Variants in PDE10A observed in about 807,000 individuals in gnomAD.
PDE10A encodes the protein cAMP and cAMP-inhibited cGMP 3',5'-cyclic phosphodiesterase 10A.
A neutral mutation model predicts 97.7 loss-of-function variants in PDE10A; 39 were observed. The ratio of observed to expected loss-of-function variants is 0.40; its 90% confidence interval spans 0.31 to 0.52. PDE10A has a LOEUF of 0.52. PDE10A is among the 20% of genes least tolerant of loss of function. The probability of loss-of-function intolerance (pLI) is 0.56; values close to 1 mark genes in which losing one functional copy is unlikely to be tolerated. For missense variants in PDE10A, 731 were observed against 1,047.8 expected, an observed-to-expected ratio of 0.70 and a Z score of 4.17; for synonymous variants, 371 against 376.8, an observed-to-expected ratio of 0.98 and a Z score of 0.18.
chr6:165,589,936 AATC>A (rs1318710011), intron 1 of PDE10A, among the ~76,000 whole-genome samples: 2 of 152,212 alleles, frequency 1.3e-5, no homozygotes, highest in Non-Finnish European at 2.9e-5. Context: ...AGAAAATGTA[AATC>A]ATTAAGAAAA....
chr6:165,902,708 C>CCTCGCATCCTTCCCATTCCAGG (rs1782148203), intron 1 of PDE10A, among the ~76,000 whole-genome samples: 1 of 152,176 alleles, frequency 6.6e-6, no homozygotes, highest in Non-Finnish European at 1.5e-5. Context: ...GGCGCACGGG[C>CCTCGCATCCTTCCCATTCCAGG]TGTTCTTGCC....
chr6:165,791,752 C>T (rs796991934), intron 1 of PDE10A, among the ~76,000 whole-genome samples: 9 of 152,308 alleles, frequency 5.9e-5, no homozygotes, highest in African/African-American at 2.2e-4. Flanking sequence ...GTCAGCTTGA[C>T]GTTCCTTTCC....
chr6:165,566,051 C>T (rs1784761995), intron 1 of PDE10A, among the ~76,000 whole-genome samples: 1 of 152,032 alleles, frequency 6.6e-6, no homozygotes, highest in South Asian at 2.1e-4. Context: ...AACACAAAGA[C>T]AAGATCCATG....
chr6:165,790,409 G>A (rs1184398345), intron 1 of PDE10A, among the ~76,000 whole-genome samples: 3 of 152,120 alleles, frequency 2.0e-5, no homozygotes, highest in Non-Finnish European at 4.4e-5. Context: ...ACTTCTCTGG[G>A]GGAGGAAGTC....
Position 165,758,523 on chromosome 6 carries a change from A to AC in PDE10A, c.-614-214956_-614-214955insG, listed in dbSNP as rs1320554947. ...AGAAGAAAGAAGAAAGAAGAAGAAG[A>AC]AGAAGAAGAGGAAGAGGAAGAGGAA... is the stretch of plus-strand genomic sequence containing the variant. On this transcript the variant is annotated intron_variant, in intron 1 of 19. Coordinates refer to the PDE10A transcript ENST00000366882. 7.6e-5 allele frequency among the ~76,000 whole-genome samples: 11 copies of AC among 143,836 alleles called. No homozygotes were observed. In the East Asian group the frequency reaches 2.4e-3, roughly 31 times the overall value. 94.4% of individuals were successfully genotyped at this position (143,836 alleles called of 152,430 possible).
intron 18 of PDE10A, among the ~76,000 whole-genome samples, chr6:165,368,651 T>C (rs536200609): frequency 6.0e-4 from 92 of 152,218 alleles, no homozygotes; most frequent in South Asian, 1.7e-3. Context: ...TAAATGCAAA[T>C]AGACTAAACA....
chr6:165,756,669 T>A (rs1793124195), intron 1 of PDE10A, among the ~76,000 whole-genome samples: 1 of 152,212 alleles, frequency 6.6e-6, no homozygotes, highest in Non-Finnish European at 1.5e-5. Flanking sequence ...GCAGACAGTA[T>A]CACACTGAAT....
chr6:165,744,989 G>C (rs75327067), intron 1 of PDE10A, among the ~76,000 whole-genome samples: 1 of 152,140 alleles, frequency 6.6e-6, no homozygotes, highest in African/African-American at 2.4e-5. Flanking sequence ...TTCAGGATGT[G>C]TATTTCCTTG....
At chr6:165,694,477 C>T (rs905827745) in intron 1 of PDE10A, among the ~76,000 whole-genome samples, 3 of 152,186 alleles carry the variant, frequency 2.0e-5, no homozygotes, top group South Asian at 2.1e-4. Context: ...GCAGGGCTAG[C>T]GTTTGCATTC....
intron 3 of PDE10A, 38 bp from the exon 4 acceptor site, chr6:165,450,400 AAAT>A: frequency 7.6e-7 from 1 of 1,308,862 alleles, no homozygotes. Context: ...AACAGAGTTT[AAAT>A]AAAATATAAC....
intron 1 of PDE10A, among the ~76,000 whole-genome samples, chr6:165,614,512 G>C (rs1438604587): frequency 6.6e-6 from 1 of 152,054 alleles, no homozygotes; most frequent in Admixed American, 6.6e-5. Flanking sequence ...CTACCCTCCT[G>C]CAATGCTATC....
intron 1 of PDE10A, among the ~76,000 whole-genome samples, chr6:165,677,204 G>T (rs576150577): frequency 6.6e-6 from 1 of 152,304 alleles, no homozygotes; most frequent in South Asian, 2.1e-4. Context: ...GGCCTCATCC[G>T]ATCAGTGGAC....
At chr6:165,535,134 T>C (rs373565534) in intron 2 of PDE10A, among the ~76,000 whole-genome samples, 66 of 152,066 alleles carry the variant, frequency 4.3e-4, no homozygotes, top group African/African-American at 1.4e-3. Context: ...TCTGTAGCAT[T>C]TCTATATGTC....
rs1781436059 is a variant in PDE10A at position 165,510,279 on chromosome 6, A to G, written c.995-27936T>C. Among the ~76,000 whole-genome samples the G allele has an allele frequency of 2.6e-5, 4 of 151,846 alleles. No homozygotes were observed. The South Asian group carries it at 8.3e-4, about 32-fold the overall frequency. On this transcript the variant is annotated intron_variant, in intron 2 of 21. Transcript: ENST00000539869. ...AGGCCTAGTTTGCTGAATTTTATTA[A>G]ATGAGATGATCATATGGTTTTCGTC...
chr6:165,459,534 C>T (rs661606), intron 3 of PDE10A, among the ~76,000 whole-genome samples: 25,024 of 98,790 alleles, frequency 0.25, 2,279 homozygotes, highest in Middle Eastern at 0.37. Flanking sequence ...GACAGACAGA[C>T]AGACAGACAG....
chr6:165,700,597 T>C (rs1791544960), intron 1 of PDE10A, among the ~76,000 whole-genome samples: 1 of 151,890 alleles, frequency 6.6e-6, no homozygotes, highest in Non-Finnish European at 1.5e-5. Context: ...AATAAGAGAG[T>C]TTGGGGGAAA....
At chr6:165,339,141 T>C in intron 20 of PDE10A, 137 bp downstream of exon 20, 2 of 708,068 alleles carry the variant, frequency 2.8e-6, no homozygotes, top group Middle Eastern at 5.7e-4. Flanking sequence ...AGTTTCTATA[T>C]TAATCACCAG....
intron 1 of PDE10A, among the ~76,000 whole-genome samples, chr6:165,888,208 C>T (rs1368983762): frequency 2.0e-5 from 3 of 152,178 alleles, no homozygotes; most frequent in Admixed American, 6.5e-5. Context: ...CCAAACCACA[C>T]ACCTGGCTTT....
intron 10 of PDE10A, among the ~76,000 whole-genome samples, chr6:165,425,920 AAAATC>A (rs1249502369): frequency 1.3e-5 from 2 of 152,046 alleles, no homozygotes; most frequent in Non-Finnish European, 2.9e-5. Context: ...TTTGCAGTAT[AAAATC>A]AAAAAATAAA....
Sources: allele counts gnomAD v4.1 joint callset (sites outside exome capture counted in the v4.1 genomes callset), GRCh38; gene constraint gnomAD v4.1.1; transcripts MANE v1.5; gene names NCBI Gene and HGNC (gene_info 2026-07-23, HGNC 2026-07-21).